Variants in LRFN2 observed in about 807,000 individuals in gnomAD.
LRFN2 encodes the protein leucine rich repeat and fibronectin type III domain containing 2.
Under a neutral mutation model 37.3 loss-of-function variants are expected in LRFN2, and 18 were observed. The ratio of observed to expected loss-of-function variants is 0.48; its 90% CI spans 0.33 to 0.72. The LOEUF (loss-of-function observed/expected upper bound fraction) is 0.72. Among genes scored for constraint, LRFN2 ranks in the 30% least tolerant of loss-of-function variants. The pLI, the probability that LRFN2 is intolerant of heterozygous loss-of-function variation, is 0.02. For synonymous variants in LRFN2, 556 were observed against 466.6 expected (o/e 1.19, Z -2.47); for missense variants, 1,006 against 1,060.7 (o/e 0.95, Z 0.72).
chr6:40,452,319 C>T (rs1764128973), intron 1 of LRFN2, among the ~76,000 whole-genome samples: 1 of 152,206 alleles, frequency 6.6e-6, no homozygotes, highest in Admixed American at 6.5e-5. Context: ...CAAGGCCAAC[C>T]AAATCTTGGG....
chr6:40,548,440 C>CAAAAAAAAAAAAAAAAAAAAAAAAAA (rs67639435), intron 1 of LRFN2, among the ~76,000 whole-genome samples: 14 of 142,712 alleles, frequency 9.8e-5, no homozygotes, highest in East Asian at 4.0e-4. Context: ...GACTCCATCT[C>CAAAAAAAAAAAAAAAAAAAAAAAAAA]AAAAAAAAAA....
At chr6:40,413,465 C>A (rs1318919234) in intron 2 of LRFN2, among the ~76,000 whole-genome samples, 1 of 152,194 alleles carries the variant, frequency 6.6e-6, no homozygotes, top group Non-Finnish European at 1.5e-5. Flanking sequence ...AGGGCAGACA[C>A]TGAGCATTAA....
intron 1 of LRFN2, among the ~76,000 whole-genome samples, chr6:40,449,240 T>C (rs1428898485): frequency 2.0e-5 from 3 of 151,672 alleles, no homozygotes; most frequent in East Asian, 1.9e-4. Context: ...TATTCCACAA[T>C]GTGTTTATAA....
intron 1 of LRFN2, among the ~76,000 whole-genome samples, chr6:40,454,766 T>C (rs527372351): frequency 6.6e-6 from 1 of 152,382 alleles, no homozygotes; most frequent in East Asian, 1.9e-4. Flanking sequence ...AAGAATTTTG[T>C]TATAGCATTG....
chr6:40,431,912 C>T lies in LRFN2; in HGVS notation c.1202G>A (p.Gly401Asp). The change falls in exon 2 of 3, where the codon GGC (glycine) becomes GAC (aspartate). Residue 401 changes from glycine to aspartate, a missense_variant. Physicochemically the swap from Gly to Asp is moderately conservative, Grantham distance 94. This residue lies in a region of LRFN2 where 303 missense variants were observed against 299.8 expected (regional missense o/e 1.01). Transcript: ENST00000338305. ...PPKSRLSDIT[G>D]SSKTSRGGGG... ...ACCTCCCCGGCTGGTCTTGCTGGAG[C>T]CAGTGATGTCTGAGAGGCGGGACTT... 2 of 1,612,858 alleles carry T rather than the reference C, an allele frequency of 1.2e-6. No homozygotes were observed. Among genetic ancestry groups the T allele is most frequent in the Non-Finnish European group, 8.5e-7 (1 of 1,179,466 alleles).
intron 2 of LRFN2, among the ~76,000 whole-genome samples, chr6:40,396,688 G>GCTC (rs2113793349): frequency 1.8e-4 from 1 of 5,660 alleles, no homozygotes; most frequent in Non-Finnish European, 3.4e-3. Flanking sequence ...CCTCTGCTCT[G>GCTC]TGTGTGTGTG....
chr6:40,502,146 A>G (rs1765398885), intron 1 of LRFN2: 2 of 152,224 alleles, frequency 1.3e-5, no homozygotes, highest in African/African-American at 4.8e-5. Context: ...TTGAATGCCC[A>G]CAGCAGCCCT....
chr6:40,399,861 T>C (rs1047031664), intron 2 of LRFN2, among the ~76,000 whole-genome samples: 1 of 151,922 alleles, frequency 6.6e-6, no homozygotes, highest in Non-Finnish European at 1.5e-5. Context: ...CCTTGCACTT[T>C]GGGAAAAGAT....
chr6:40,581,563 G>C (rs116207852), intron 1 of LRFN2, among the ~76,000 whole-genome samples: 2 of 152,134 alleles, frequency 1.3e-5, no homozygotes, highest in Admixed American at 1.3e-4. Context: ...TCCCCAGGGG[G>C]GCATTTCTAG....
intron 1 of LRFN2, among the ~76,000 whole-genome samples, chr6:40,533,514 G>A (rs898756212): frequency 2.6e-5 from 4 of 151,558 alleles, no homozygotes; most frequent in African/African-American, 9.7e-5. Flanking sequence ...ACTGGCTATT[G>A]ATTAAAACCA....
intron 1 of LRFN2, among the ~76,000 whole-genome samples, chr6:40,512,204 T>C (rs1489478478): frequency 1.3e-5 from 2 of 152,234 alleles, no homozygotes; most frequent in African/African-American, 2.4e-5. Context: ...GGATCATCTC[T>C]GTTCTTTCCT....
At chr6:40,473,275 C>T (rs1376251498) in intron 1 of LRFN2, among the ~76,000 whole-genome samples, 1 of 152,186 alleles carries the variant, frequency 6.6e-6, no homozygotes, top group Admixed American at 6.5e-5. Flanking sequence ...TGCCTCCTCC[C>T]AGCTTAAATG....
At chr6:40,562,936 T>C (rs1005609774) in intron 1 of LRFN2, among the ~76,000 whole-genome samples, 8 of 151,648 alleles carry the variant, frequency 5.3e-5, no homozygotes, top group Non-Finnish European at 1.2e-4. Context: ...AGGCTGCAGG[T>C]GAATCTGAGG....
chr6:40,463,326 A>C (rs1764386288), intron 1 of LRFN2, among the ~76,000 whole-genome samples: 2 of 152,188 alleles, frequency 1.3e-5, no homozygotes, highest in African/African-American at 4.8e-5. Flanking sequence ...GCTAATTTGG[A>C]GGCTCTTTAT....
At chr6:40,487,093 G>A (rs1764977292) in intron 1 of LRFN2, among the ~76,000 whole-genome samples, 1 of 152,142 alleles carries the variant, frequency 6.6e-6, no homozygotes. Context: ...GTTCCCTGAG[G>A]ACATGAACCA....
chr6:40,586,362 C>T lies in LRFN2; in HGVS notation c.-19+579G>A, dbSNP rs986164634. 3.3e-5 allele frequency among the ~76,000 whole-genome samples: 5 copies of T among 152,274 alleles called. No homozygotes were observed. In the East Asian group the frequency reaches 5.8e-4, roughly 18 times the overall value. On this transcript the variant is annotated intron_variant, in intron 1 of 2. Coordinates refer to ENST00000338305, the MANE Select transcript of LRFN2 (RefSeq NM_020737.3). ...CCAAGCTGCACACACACACAATCCC[C>T]CTGATCTGCTTTCTGCCTGAGGCCA... is the stretch of plus-strand genomic sequence containing the variant.
At chr6:40,441,345 T>C (rs1380427148) in intron 1 of LRFN2, among the ~76,000 whole-genome samples, 1 of 152,120 alleles carries the variant, frequency 6.6e-6, no homozygotes, top group Non-Finnish European at 1.5e-5. Flanking sequence ...GAGGAAGATC[T>C]GTGCAACAGT....
chr6:40,470,182 C>T (rs1015589739), intron 1 of LRFN2, among the ~76,000 whole-genome samples: 4 of 152,206 alleles, frequency 2.6e-5, no homozygotes, highest in Middle Eastern at 3.4e-3. Flanking sequence ...CTCCCCAAGG[C>T]ATGTGGGCTG....
At chr6:40,512,028 A>C (rs1174507947) in intron 1 of LRFN2, among the ~76,000 whole-genome samples, 3 of 152,250 alleles carry the variant, frequency 2.0e-5, no homozygotes, top group Non-Finnish European at 4.4e-5. Flanking sequence ...ACCGTGGGAC[A>C]CAGAACTCCT....
Sources: gnomAD v4.1 joint callset for allele counts (sites outside exome capture counted in the v4.1 genomes callset) on GRCh38, gnomAD v4.1.1 for gene constraint, gnomAD v4.1.1 regional missense constraint, MANE v1.5 for transcripts, NCBI Gene and HGNC (gene_info 2026-07-23, HGNC 2026-07-21) for gene names.